The following COG2 variants were observed in gnomAD, a reference collection of about 807,000 sequenced individuals.
COG2 encodes component of oligomeric golgi complex 2.
In COG2, 52 loss-of-function variants were observed where a neutral mutation model predicts 90.6. The ratio of observed to expected loss-of-function variants is 0.57; its 90% CI spans 0.46 to 0.72. The LOEUF (loss-of-function observed/expected upper bound fraction) is 0.72, where lower values mean the gene tolerates loss of function less well. Ranked by LOEUF, COG2 falls within the 30% of genes least tolerant of loss-of-function variation. The pLI, the probability that COG2 is intolerant of heterozygous loss-of-function variation, is 0.00. For synonymous variants in COG2, 337 were observed against 320.4 expected (o/e 1.05, Z -0.55); for missense variants, 829 against 891.2 (o/e 0.93, Z 0.89).
chr1:230,688,304 A>T, intron 14 of COG2, 116 bp from the exon 15 acceptor site: 1 of 1,363,162 alleles, frequency 7.3e-7, no homozygotes, highest in Non-Finnish European at 1.0e-6. Flanking sequence ...TGTTTTATTT[A>T]ATTCATTTGA....
rs182923930 is a variant in COG2 at position 230,655,691 on chromosome 1, A to T, written c.73-3773A>T. 2.1e-3 allele frequency among the ~76,000 whole-genome samples: 317 copies of T among 152,136 alleles called. 1 individual carries two copies. Among genetic ancestry groups the T allele is most frequent in the African/African-American group, 7.4e-3 (309 of 41,482 alleles). On this transcript the variant is annotated intron_variant, in intron 1 of 17. Coordinates refer to ENST00000366669, the MANE Select transcript of COG2 (RefSeq NM_007357.3). ...AGGAATGGTACCAGCTCCTCTTTGT[A>T]CCTCTGGTAGAATTCAGCTGTGAAT...
intron 15 of COG2, 172 bp from the exon 16 acceptor site, chr1:230,689,842 C>T (rs1404431894): frequency 1.7e-6 from 1 of 597,170 alleles, no homozygotes; most frequent in Non-Finnish European, 2.9e-6. Context: ...CCCTCATGTT[C>T]TCCAGGCAGC....
At chr1:230,670,814 T>C (rs144311399) in intron 7 of COG2, 30 of 152,240 alleles carry the variant, frequency 2.0e-4, no homozygotes, top group African/African-American at 6.7e-4. Context: ...GGTTTTGCCA[T>C]GTTGTCCAAA....
rs768848360 is a variant in COG2 at position 230,642,660 on chromosome 1, C to T, written c.54C>T (p.Asp18=). ...LPKGPDTLCF[D]KDEFMKEDFD... is the part of the protein sequence containing the mutation. ...AGGGGCCGGACACGCTCTGCTTCGA[C>T]AAGGACGAGTTCATGAAGGTGCGCG... Residue 18 remains aspartate (D), a synonymous_variant, in exon 1 of 18, where the codon GAC becomes GAT. Coordinates refer to ENST00000366669, the MANE Select transcript of COG2 (RefSeq NM_007357.3). 1 of 1,612,886 alleles carries T rather than the reference C, an allele frequency of 6.2e-7. No individual in the cohort carries two copies. Among genetic ancestry groups the T allele is most frequent in the Non-Finnish European group, 8.5e-7 (1 of 1,179,602 alleles).
At chr1:230,658,304 GC>G (rs1662110611) in intron 1 of COG2, among the ~76,000 whole-genome samples, 2 of 152,116 alleles carry the variant, frequency 1.3e-5, no homozygotes, top group Non-Finnish European at 2.9e-5. Context: ...TGACAGTCAG[GC>G]CCCTCTGCTG....
intron 1 of COG2, among the ~76,000 whole-genome samples, chr1:230,658,433 C>T (rs562137937): frequency 2.8e-4 from 43 of 152,270 alleles, no homozygotes; most frequent in African/African-American, 9.6e-4. Flanking sequence ...AGCTTCGTCC[C>T]AGAGGGGCAC....
Position 230,669,549 on chromosome 1 carries a change from C to T in COG2, c.774+14C>T. 1 of 1,607,366 alleles carries T rather than the reference C, an allele frequency of 6.2e-7. No individual in the cohort carries two copies. Among genetic ancestry groups the T allele is most frequent in the African/African-American group, 1.3e-5 (1 of 74,856 alleles). ...TACATAGACGAGGTCTGTGTACCTC[C>T]TTCAACAAACATTCATGAGCTTCTG... On this transcript the variant is annotated intron_variant, in intron 7 of 17. Coordinates refer to ENST00000366669, the MANE Select transcript of COG2 (RefSeq NM_007357.3).
At chr1:230,674,056 T>A (rs1662524544) in intron 8 of COG2, among the ~76,000 whole-genome samples, 1 of 152,186 alleles carries the variant, frequency 6.6e-6, no homozygotes, top group Non-Finnish European at 1.5e-5. Flanking sequence ...ATACCCAATA[T>A]GAAACAAAGT....
chr1:230,660,920 A>T, intron 3 of COG2, 97 bp downstream of exon 3: 1 of 757,890 alleles, frequency 1.3e-6, no homozygotes, highest in Non-Finnish European at 2.0e-6. Context: ...TAGGTTGTTG[A>T]TTTTTGTTTT....
chr1:230,691,189 G>A (rs552825750), intron 16 of COG2, among the ~76,000 whole-genome samples, 195 bp from the exon 17 acceptor site: 12 of 151,550 alleles, frequency 7.9e-5, no homozygotes, highest in African/African-American at 1.7e-4. Context: ...ATATATATAC[G>A]TATATACATG....
Position 230,648,429 on chromosome 1 carries a change from A to G in COG2, c.72+5751A>G, listed in dbSNP as rs182569484. On this transcript the variant is annotated intron_variant, in intron 1 of 17. Transcript: ENST00000366669. The stretch of plus-strand genomic sequence containing the variant: ...CTCTTTAGCTTCAGTTTGCAACACA[A>G]ATAAAGAATATATTTGAGACTGATT... Among the ~76,000 whole-genome samples, 28 of 152,358 alleles carry G rather than the reference A, an allele frequency of 1.8e-4. No homozygotes were observed. The East Asian group carries it at 5.4e-3, about 29-fold the overall frequency.
intron 11 of COG2, 69 bp from the exon 12 acceptor site, chr1:230,685,016 T>TGA (rs1662851729): frequency 7.3e-6 from 11 of 1,516,444 alleles, no homozygotes; most frequent in Admixed American, 5.6e-5. Flanking sequence ...ATCGGAAGTC[T>TGA]CACATTAGAC....
At chr1:230,690,398 C>T in intron 16 of COG2, 1 of 371,106 alleles carries the variant, frequency 2.7e-6, no homozygotes, top group East Asian at 4.7e-5. Flanking sequence ...CACAGTGCCC[C>T]CGCATCTCCA....
chr1:230,649,752 A>G (rs1157997394), intron 1 of COG2, among the ~76,000 whole-genome samples: 1 of 152,042 alleles, frequency 6.6e-6, no homozygotes, highest in Non-Finnish European at 1.5e-5. Flanking sequence ...TTCAGGAGGT[A>G]CATGTACAGG....
intron 9 of COG2, 171 bp from the exon 10 acceptor site, chr1:230,678,742 T>C: frequency 6.6e-7 from 1 of 1,516,152 alleles, no homozygotes; most frequent in Non-Finnish European, 8.8e-7. Context: ...TGGGCATTTA[T>C]GTATCTTTAA....
At chr1:230,683,429 A>T in intron 10 of COG2, 145 bp from the exon 11 acceptor site, 1 of 458,818 alleles carries the variant, frequency 2.2e-6, no homozygotes, top group Non-Finnish European at 3.9e-6. Context: ...AAAAAAAAAA[A>T]GCCTGGGAGA....
intron 14 of COG2, 59 bp from the exon 15 acceptor site, chr1:230,688,361 A>G (rs1662934810): frequency 2.5e-6 from 4 of 1,593,580 alleles, no homozygotes; most frequent in Non-Finnish European, 2.6e-6. Context: ...CAGTATTTCA[A>G]ATGAAGTTCA....
In COG2 at chr1:230,642,552, A is replaced by G. The variant is rs1270311885; in HGVS notation, c.-55A>G. 2 of 1,560,408 alleles carry G rather than the reference A, an allele frequency of 1.3e-6. No homozygotes were observed. Among genetic ancestry groups the G allele is most frequent in the South Asian group, 2.3e-5 (2 of 85,962 alleles). On this transcript the variant is annotated 5_prime_UTR_variant, in exon 1 of 18. Transcript: ENST00000366669. ...CCGCGGCCGCCGAGTCGGTCTGCGC[A>G]GCCTCCTGCGTTTTCTCGCTTGGAT...
At chr1:230,642,885 G>GT (rs1404072068) in intron 1 of COG2, 2 of 552,206 alleles carry the variant, frequency 3.6e-6, no homozygotes, top group Non-Finnish European at 6.4e-6. Flanking sequence ...AAAATCGTGC[G>GT]TGTTACATGG....
Sources: gnomAD v4.1 joint callset for allele counts (sites outside exome capture counted in the v4.1 genomes callset) on GRCh38, gnomAD v4.1.1 for gene constraint, MANE v1.5 for transcripts, NCBI Gene and HGNC (gene_info 2026-07-23, HGNC 2026-07-21) for gene names.